Variants in CCDC142 observed in about 807,000 individuals in gnomAD.
CCDC142 encodes coiled-coil domain containing 142.
CCDC142 carries 67 observed loss-of-function variants against 83.8 expected under a neutral mutation model. That is an observed-to-expected ratio of 0.80 (90% CI 0.66 to 0.98). The LOEUF is 0.98. CCDC142 is among the 50% of genes least tolerant of loss of function. The pLI, the probability that CCDC142 is intolerant of heterozygous loss-of-function variation, is 0.00. For missense variants in CCDC142, 905 were observed against 946.8 expected, an observed-to-expected ratio of 0.96 and a Z score of 0.58; for synonymous variants, 421 against 421.2, an observed-to-expected ratio of 1.00 and a Z score of 0.01.
In CCDC142 at chr2:74,481,298, A is replaced by C. The variant is rs1209970024; in HGVS notation, c.1183T>G (p.Leu395Val). The change falls in exon 3 of 9, where the codon TTG (leucine) becomes GTG (valine). Residue 395 changes from leucine (L) to valine (V), a missense_variant. Physicochemically the swap from Leu to Val is conservative, Grantham distance 32 (BLOSUM62 1). Transcript: ENST00000393965. ...AAGAGAGGAGGAAAGAGCTGCTGCA[A>C]AAGTTCAGCAGTGCCAGAGGATGTG... ...LPTSSGTAEL[L>V]QQLFPPLLDA... is the part of the protein sequence containing the mutation. 1 of 1,614,112 alleles carries C rather than the reference A, an allele frequency of 6.2e-7. No homozygotes were observed. Among genetic ancestry groups the C allele is most frequent in the Non-Finnish European group, 8.5e-7 (1 of 1,180,024 alleles).
intron 1 of CCDC142, 139 bp from the exon 2 acceptor site, chr2:74,481,677 C>T (rs1352674764): frequency 5.1e-6 from 7 of 1,375,422 alleles, no homozygotes; most frequent in Non-Finnish European, 7.1e-6. Flanking sequence ...GCCTTGAAAG[C>T]TCAGAAGCTA....
In CCDC142 at chr2:74,480,799, C is replaced by T; in HGVS notation, c.1473G>A (p.Leu491=). The change falls in exon 5 of 9, where the codon CTG becomes CTA. Residue 491 remains leucine (L), a synonymous_variant. Transcript: ENST00000393965. Reference sequence around the variant, plus strand: ...TCTGTGCAGTCAGCTTCTGGATCTCCAGGCCCAGCTGCTGCTCCACTTCCA... The same window carrying T: ...TCTGTGCAGTCAGCTTCTGGATCTCTAGGCCCAGCTGCTGCTCCACTTCCA... ...LALEVEQQLG[L]EIQKLTAQIQ... is the part of the protein sequence containing the mutation. 5 of 1,613,598 alleles carry T rather than the reference C, an allele frequency of 3.1e-6. No homozygotes were observed. Among genetic ancestry groups the T allele is most frequent in the Non-Finnish European group, 4.2e-6 (5 of 1,179,630 alleles).
At chr2:74,476,356 A>G (rs1672326390) in intron 5 of CCDC142, among the ~76,000 whole-genome samples, 1 of 152,096 alleles carries the variant, frequency 6.6e-6, no homozygotes, top group Non-Finnish European at 1.5e-5. Flanking sequence ...TATTTTTAGT[A>G]AAGACAAGGT....
At chr2:74,479,982 AT>A (rs1672406662) in intron 5 of CCDC142, among the ~76,000 whole-genome samples, 1 of 152,256 alleles carries the variant, frequency 6.6e-6, no homozygotes, top group African/African-American at 2.4e-5. Context: ...TCTCTCTAAA[AT>A]ATACCTAAGA....
At position 74,474,960 on chromosome 2, in the gene CCDC142, T is replaced by C. The variant is rs1672285713; in HGVS notation, c.1952A>G (p.Gln651Arg). The C allele has an allele frequency of 2.5e-6, 4 of 1,609,492 alleles. No homozygotes were observed. The African/African-American group carries it at 5.3e-5, about 22-fold the overall frequency. ...LDGALLCLLQ[Q>R]PLPKSQVHRR... ...GTGGACTTGAGACTTGGGCAGGGGCTGCTGCAACAGACACAGCAGGGCCCC... is the reference window on the plus strand; with the variant it reads ...GTGGACTTGAGACTTGGGCAGGGGCCGCTGCAACAGACACAGCAGGGCCCC... Residue 651 changes from glutamine to arginine, a missense_variant, in exon 8 of 9, where the codon CAG (glutamine) becomes CGG (arginine). Coordinates refer to ENST00000393965, the MANE Select transcript of CCDC142 (RefSeq NM_001365575.2).
chr2:74,477,424 A>G (rs1417723570), intron 5 of CCDC142, among the ~76,000 whole-genome samples: 1 of 152,068 alleles, frequency 6.6e-6, no homozygotes, highest in Non-Finnish European at 1.5e-5. Flanking sequence ...TCACCCCCTC[A>G]CTTATGAGGT....
At chr2:74,478,803 G>A (rs555326473) in intron 5 of CCDC142, among the ~76,000 whole-genome samples, 2 of 150,712 alleles carry the variant, frequency 1.3e-5, no homozygotes, top group Non-Finnish European at 3.0e-5. Flanking sequence ...GAGGTGGGTG[G>A]ATCACCTGAG....
chr2:74,482,325 G>C lies in CCDC142; in HGVS notation c.513C>G (p.Ile171Met), dbSNP rs1672531968. ...CCTCCAGGCACTGGGCGGCTAGTCC[G>C]ATGGGGCGCGCTAGCAGCAGCGGCT... Reference protein sequence around the residue: ...TLEPLLLARPIGLAAQCLEAV... With the variant: ...TLEPLLLARPMGLAAQCLEAV... The change falls in exon 1 of 9, where the codon ATC (isoleucine) becomes ATG (methionine). Residue 171 changes from isoleucine to methionine, a missense_variant. By Grantham distance (10) the Ile-to-Met change is conservative. Around this residue, in one of 3 missense-constraint regions of CCDC142, gnomAD observed 591 missense variants for 571.4 expected, o/e 1.03. Coordinates refer to ENST00000393965, the MANE Select transcript of CCDC142 (RefSeq NM_001365575.2). This position sits in a 1 kb window ranked among gnomAD's most constrained non-coding sequence, Gnocchi z 5.0. 6.2e-7 allele frequency: 1 copy of C among 1,607,794 alleles called. No homozygotes were observed. The highest frequency in any genetic ancestry group is 1.1e-5 in the South Asian group (1 of 90,330).
intron 5 of CCDC142, among the ~76,000 whole-genome samples, chr2:74,479,193 GA>G (rs778236260): frequency 2.4e-4 from 34 of 144,376 alleles, no homozygotes; most frequent in East Asian, 1.0e-3. Flanking sequence ...CCCCATCTTA[GA>G]AAAAAAAAAA....
At chr2:74,479,806 G>T (rs1672404302) in intron 5 of CCDC142, among the ~76,000 whole-genome samples, 1 of 152,062 alleles carries the variant, frequency 6.6e-6, no homozygotes, top group African/African-American at 2.4e-5. Context: ...GCCTAGGGTG[G>T]TCTCGCTATG....
At position 74,476,104 on chromosome 2, in the gene CCDC142, G is replaced by C. The variant is rs550131052; in HGVS notation, c.1504-378C>G. 5.2e-3 allele frequency among the ~76,000 whole-genome samples: 570 copies of C among 109,444 alleles called. 7 individuals are homozygous for C. The highest frequency in any genetic ancestry group is 0.02 in the East Asian group (56 of 2,734). 71.8% of individuals were successfully genotyped at this position (109,444 alleles called of 152,430 possible). A position where few individuals can be genotyped will look rare whatever the true frequency, so the allele number is the denominator to read the frequency against. The stretch of plus-strand genomic sequence containing the variant: ...ACACACACACACACACACACACACA[G>C]AGCATATGCCAGAAAGAGGGATTGT... On this transcript the variant is annotated intron_variant, in intron 5 of 8. Coordinates refer to ENST00000393965, the MANE Select transcript of CCDC142 (RefSeq NM_001365575.2).
Position 74,474,929 on chromosome 2 carries a change from C to T in CCDC142, c.1983G>A (p.Arg661=). The T allele has an allele frequency of 1.3e-6, 2 of 1,596,318 alleles. No homozygotes were observed. Among genetic ancestry groups the T allele is most frequent in the South Asian group, 1.1e-5 (1 of 88,098 alleles). ...GGAGTAACTCACAGCAACAGGGGGG[C>T]CTCCTGTGGACTTGAGACTTGGGCA... is the stretch of plus-strand genomic sequence containing the variant. ...QPLPKSQVHR[R]PPCCCACQEV... Residue 661 remains arginine (R), a synonymous_variant, in exon 8 of 9, where the codon AGG becomes AGA. Transcript: ENST00000393965.
chr2:74,479,590 T>C (rs2104015567), intron 5 of CCDC142, among the ~76,000 whole-genome samples: 1 of 152,340 alleles, frequency 6.6e-6, no homozygotes, highest in Non-Finnish European at 1.5e-5. Flanking sequence ...ACTATAGACA[T>C]GCACTATTTT....
chr2:74,481,930 C>T lies in CCDC142; in HGVS notation c.908G>A (p.Ser303Asn), dbSNP rs372658858. The T allele has an allele frequency of 2.3e-5, 37 of 1,614,154 alleles. No homozygotes were observed. In the African/African-American group the frequency reaches 3.3e-4, roughly 15 times the overall value. Residue 303 changes from serine (S) to asparagine (N), a missense_variant, in exon 1 of 9, where the codon AGC becomes AAC. Ser to Asn is a conservative substitution (Grantham distance 46, BLOSUM62 1). This residue lies in a region of CCDC142 where 591 missense variants were observed against 571.4 expected (regional missense o/e 1.03). Transcript: ENST00000393965. ...TGCCCACAGCAGGGTCCAGTATTGG[C>T]TCCACAAGGCCCCAGCCCCTCCGAG... Reference protein sequence around the residue: ...LGLGGAGALWSQYWTLLWAAC... With the variant: ...LGLGGAGALWNQYWTLLWAAC...
rs1174423250 is a variant in CCDC142, at chr2:74,474,718, C to A, written c.2081G>T (p.Gly694Val). The change falls in exon 9 of 9, where the codon GGA becomes GTA. Residue 694 changes from glycine to valine, a missense_variant. Physicochemically the swap from Gly to Val is moderately radical, Grantham distance 109. This residue lies in a region of CCDC142 where 265 missense variants were observed against 288.9 expected (regional missense o/e 0.92). Transcript: ENST00000393965. ...CTGACCTGTCTGGGCTGGAGATGTT[C>A]CAGGCTGGAGCGGGGGCTCCAAGCT... ...LESLEPPLQP[G>V]TSPAQTGQLQ... is the part of the protein sequence containing the mutation. 1.2e-6 allele frequency: 2 copies of A among 1,614,202 alleles called. No individual in the cohort carries two copies. The highest frequency in any genetic ancestry group is 1.7e-5 in the Admixed American group (1 of 60,016).
At chr2:74,477,059 G>A (rs1036616772) in intron 5 of CCDC142, among the ~76,000 whole-genome samples, 5 of 152,100 alleles carry the variant, frequency 3.3e-5, no homozygotes, top group Admixed American at 3.3e-4. Context: ...CAGAGTGTGT[G>A]ACAGTCTCTC....
In CCDC142 at chr2:74,475,644, C is replaced by A. The variant is rs774851070; in HGVS notation, c.1586G>T (p.Arg529Leu). The A allele has an allele frequency of 1.2e-6, 2 of 1,613,920 alleles. No homozygotes were observed. Among genetic ancestry groups the A allele is most frequent in the Admixed American group, 3.3e-5 (2 of 59,972 alleles). ...GAGACGAAGCCGCCAGTACCGACCC[C>A]GTGGCATGTAGAGCTTGAAACCTTG... ...AMQGFKLYMP[R>L]GRYWRLRLCP... Residue 529 changes from arginine (R) to leucine (L), a missense_variant, in exon 6 of 9, where the codon CGG becomes CTG. Around this residue, in one of 3 missense-constraint regions of CCDC142, gnomAD observed 265 missense variants for 288.9 expected, o/e 0.92. Transcript: ENST00000393965.
chr2:74,482,312 G>A lies in CCDC142; in HGVS notation c.526C>T (p.Gln176Ter), dbSNP rs766153035. ...ATCTCGATGACAGCCTCCAGGCACT[G>A]GGCGGCTAGTCCGATGGGGCGCGCT... ...LLARPIGLAAQCLEAVIEMQL... is the reference protein window; with the variant it reads ...LLARPIGLAA Residue 176 changes from glutamine to a stop codon, truncating the protein, a stop_gained, in exon 1 of 9, where the codon CAG (glutamine) becomes TAG (stop). Transcript: ENST00000393965. LOFTEE classifies it high-confidence loss of function. This position sits in a 1 kb window ranked among gnomAD's most constrained non-coding sequence, Gnocchi z 5.0. 114 of 1,610,442 alleles carry A rather than the reference G, an allele frequency of 7.1e-5. No individual in the cohort carries two copies. The highest frequency in any genetic ancestry group is 9.4e-5 in the Non-Finnish European group (111 of 1,179,116).
Position 74,475,318 on chromosome 2 carries a change from G to C in CCDC142, c.1703C>G (p.Pro568Arg). 6.2e-7 allele frequency: 1 copy of C among 1,613,930 alleles called. No homozygotes were observed. The change falls in exon 7 of 9, where the codon CCA (proline) becomes CGA (arginine). Residue 568 changes from proline (P) to arginine (R), a missense_variant. This residue lies in a region of CCDC142 where 265 missense variants were observed against 288.9 expected (regional missense o/e 0.92). Transcript: ENST00000393965. ...EPVLQGLQGL[P>R]PQAQAPALGQ... ...AAGGGCAGGGGCCTGGGCTTGAGGT[G>C]GCAACCCTTGCAATCCTTGCAACAC... is the stretch of plus-strand genomic sequence containing the variant.
Sources: allele counts gnomAD v4.1 joint callset (sites outside exome capture counted in the v4.1 genomes callset), GRCh38; gene constraint gnomAD v4.1.1; regional missense constraint gnomAD v4.1.1; non-coding constraint Gnocchi (gnomAD v3.1); transcripts MANE v1.5; gene names NCBI Gene and HGNC (gene_info 2026-07-23, HGNC 2026-07-21).